The following TRIM5 variants were observed in gnomAD, a reference collection of about 807,000 sequenced individuals.
TRIM5 encodes the protein tripartite motif containing 5, also known as tripartite motif-containing protein 5.
TRIM5 carries 31 observed loss-of-function variants against 35.6 expected under a neutral mutation model. The observed-to-expected ratio is 0.87, with a 90% CI of 0.65 to 1.18. The LOEUF (loss-of-function observed/expected upper bound fraction) is 1.18. Ranked by LOEUF, TRIM5 falls within the 50% of genes most tolerant of loss-of-function variation. The pLI, the probability that TRIM5 is intolerant of heterozygous loss-of-function variation, is 0.00. For missense variants in TRIM5, 609 were observed against 591.6 expected (o/e 1.03, Z -0.31); for synonymous variants, 243 against 215.6 (o/e 1.13, Z -1.11).
At chr11:5,646,363 GA>G in the TRIM5 span, among the ~76,000 whole-genome samples, 1 of 152,080 alleles carries the variant, frequency 6.6e-6, no homozygotes, top group South Asian at 2.1e-4. Context: ...ATGAATTTGC[GA>G]ATAATAGCAT....
downstream of TRIM5, among the ~76,000 whole-genome samples, chr11:5,660,526 GT>G (rs1359805879): frequency 7.2e-5 from 11 of 152,120 alleles, no homozygotes; most frequent in Non-Finnish European, 1.5e-4. Context: ...AGGGCATGCA[GT>G]TTTATTAGAA....
At position 5,679,131 on chromosome 11, in the gene TRIM5, C is replaced by A. The variant is rs1210151938; in HGVS notation, c.456G>T (p.Lys152Asn). 3 of 1,613,994 alleles carry A rather than the reference C, an allele frequency of 1.9e-6. No homozygotes were observed. Among genetic ancestry groups the A allele is most frequent in the Non-Finnish European group, 2.5e-6 (3 of 1,179,988 alleles). The change falls in exon 3 of 8, where the codon AAG (lysine) becomes AAT (asparagine). Residue 152 changes from lysine to asparagine, a missense_variant. Lys to Asn is a moderately conservative substitution (Grantham distance 94, BLOSUM62 0). Transcript: ENST00000380034. Reference protein sequence around the residue: ...LQAALEMLRQKQQEAEELEAD... With the variant: ...LQAALEMLRQNQQEAEELEAD... Reference sequence around the variant, plus strand: ...CTTCTAACTCTTCAGCTTCCTGCTGCTTCTGCCTCAGCATCTCCAGAGCTG... The same window carrying A: ...CTTCTAACTCTTCAGCTTCCTGCTGATTCTGCCTCAGCATCTCCAGAGCTG...
At chr11:5,679,416 A>G (rs1437626173) in intron 2 of TRIM5, among the ~76,000 whole-genome samples, 6 of 152,030 alleles carry the variant, frequency 3.9e-5, no homozygotes, top group Non-Finnish European at 5.9e-5. Flanking sequence ...AGAAGAAAAA[A>G]CTAATCCTGC....
At chr11:5,661,755 C>G (rs531310823), downstream of TRIM5, among the ~76,000 whole-genome samples, 3 of 152,172 alleles carry the variant, frequency 2.0e-5, no homozygotes, top group Non-Finnish European at 2.9e-5. Context: ...ACTGAGAAGA[C>G]GGAGTGTAAC....
chr11:5,651,246 C>A, the TRIM5 span, among the ~76,000 whole-genome samples: 2 of 152,144 alleles, frequency 1.3e-5, no homozygotes, highest in Non-Finnish European at 2.9e-5. Flanking sequence ...AAGATCCCTG[C>A]AGTTTTTTAA....
intron 1 of TRIM5, among the ~76,000 whole-genome samples, chr11:5,680,988 A>G (rs1852395198): frequency 6.6e-6 from 1 of 152,166 alleles, no homozygotes; most frequent in Non-Finnish European, 1.5e-5. Flanking sequence ...TACCCAGAGC[A>G]ATTGGGGTGT....
chr11:5,683,018 G>A (rs1182199025), intron 1 of TRIM5, among the ~76,000 whole-genome samples: 1 of 152,184 alleles, frequency 6.6e-6, no homozygotes, highest in Non-Finnish European at 1.5e-5. Context: ...GTGGGCGTGG[G>A]CTTGGTGGGC....
the TRIM5 span, among the ~76,000 whole-genome samples, chr11:5,648,775 C>A: frequency 6.6e-6 from 1 of 152,102 alleles, no homozygotes; most frequent in Non-Finnish European, 1.5e-5. Context: ...AAAGAAGAGA[C>A]CTACAATTAT....
rs368750626 is a variant in TRIM5 at position 5,670,253 on chromosome 11, C to A, written c.745-2542G>T. Among the ~76,000 whole-genome samples the A allele has an allele frequency of 6.8e-4, 93 of 135,920 alleles. 1 individual carries two copies. The South Asian group carries it at 0.022, about 31-fold the overall frequency. The allele number at this position is 135,920 out of a possible 152,430, so 89.2% of individuals were successfully genotyped here. A position where few individuals can be genotyped will look rare whatever the true frequency, so the allele number is the denominator to read the frequency against. On this transcript the variant is annotated intron_variant, in intron 4 of 7. Transcript: ENST00000380034. ...AGTGCAGTGGTGCGATCTCAGCTCA[C>A]TGCAAGCTCTGCCTCCTGGGTTCAT...
the TRIM5 span, among the ~76,000 whole-genome samples, chr11:5,605,905 G>C: frequency 6.6e-6 from 1 of 152,112 alleles, no homozygotes. Context: ...TCTTTGCTGC[G>C]TGGGGTTCTC....
chr11:5,671,320 A>AG (rs199797450), intron 4 of TRIM5, among the ~76,000 whole-genome samples: 11 of 151,658 alleles, frequency 7.3e-5, no homozygotes, highest in Admixed American at 7.2e-4. Context: ...AAAAACACAA[A>AG]AAAACCCCAC....
chr11:5,660,841 G>A (rs1406723656), downstream of TRIM5, among the ~76,000 whole-genome samples: 3 of 151,478 alleles, frequency 2.0e-5, no homozygotes, highest in South Asian at 2.1e-4. Flanking sequence ...AGGAGATCGG[G>A]ACCATCCTGG....
At chr11:5,634,909 T>C in the TRIM5 span, 2 of 1,580,516 alleles carry the variant, frequency 1.3e-6, no homozygotes, top group Non-Finnish European at 1.7e-6. Context: ...AGTTCCCTCC[T>C]GTGTCCTTGC....
At chr11:5,604,701 A>G in the TRIM5 span, 1 of 1,504,164 alleles carries the variant, frequency 6.6e-7, no homozygotes, top group South Asian at 1.3e-5. Context: ...AGGGCAAAGG[A>G]GTCCTTGTCC....
At chr11:5,634,417 C>T in the TRIM5 span, among the ~76,000 whole-genome samples, 1 of 150,782 alleles carries the variant, frequency 6.6e-6, no homozygotes, top group Admixed American at 6.6e-5. Context: ...CTTCTACTCC[C>T]TTGCTGATTT....
At chr11:5,643,144 T>C in the TRIM5 span, 2 of 1,453,372 alleles carry the variant, frequency 1.4e-6, no homozygotes, top group South Asian at 3.3e-5. Flanking sequence ...TTTCTTGCAG[T>C]GGATGTCACA....
At chr11:5,601,296 A>G in the TRIM5 span, among the ~76,000 whole-genome samples, 14 of 152,350 alleles carry the variant, frequency 9.2e-5, no homozygotes, top group South Asian at 2.1e-4. Context: ...GGTTATGCCA[A>G]TTCTACAACT....
chr11:5,625,687 G>A, the TRIM5 span, among the ~76,000 whole-genome samples: 1 of 146,226 alleles, frequency 6.8e-6, no homozygotes, highest in Non-Finnish European at 1.5e-5. Context: ...ACACCGCTCT[G>A]TTCCCTCTGT....
At chr11:5,660,757 G>C (rs557591262), downstream of TRIM5, among the ~76,000 whole-genome samples, 1 of 151,710 alleles carries the variant, frequency 6.6e-6, no homozygotes, top group African/African-American at 2.4e-5. Flanking sequence ...ATTAAGTTTA[G>C]ATAGGCCGGG....
Sources: gnomAD v4.1 joint callset for allele counts (sites outside exome capture counted in the v4.1 genomes callset) on GRCh38, gnomAD v4.1.1 for gene constraint, MANE v1.5 for transcripts, NCBI Gene and HGNC (gene_info 2026-07-23, HGNC 2026-07-21) for gene names.